Variants in PCDHA11 observed in about 807,000 individuals in gnomAD.
PCDHA11 encodes protocadherin alpha-11.
Under a neutral mutation model 70.3 loss-of-function variants are expected in PCDHA11, and 61 were observed. That is an observed-to-expected ratio of 0.87 (90% CI 0.71 to 1.07). The LOEUF (loss-of-function observed/expected upper bound fraction) is 1.07. PCDHA11 is among the 50% of genes least tolerant of loss of function. The probability of loss-of-function intolerance (pLI) is 0.00; values close to 1 mark genes in which losing one functional copy is unlikely to be tolerated. For synonymous variants in PCDHA11, 633 were observed against 555.1 expected (o/e 1.14, Z -1.97); for missense variants, 1,324 against 1,237.5 (o/e 1.07, Z -1.05).
chr5:140,877,260 G>A (rs1329010026), intron 1 of PCDHA11: 3 of 1,613,766 alleles, frequency 1.9e-6, no homozygotes, highest in African/African-American at 2.7e-5. Context: ...AAGTGCGCGC[G>A]GTGGACGCTG....
At chr5:140,972,334 A>G (rs2153793460) in intron 1 of PCDHA11, among the ~76,000 whole-genome samples, 1 of 151,024 alleles carries the variant, frequency 6.6e-6, no homozygotes, top group Admixed American at 6.6e-5. Flanking sequence ...TTTTTGGAAG[A>G]GATGGGGGTC....
intron 1 of PCDHA11, chr5:140,882,206 G>C: frequency 6.5e-7 from 1 of 1,531,252 alleles, no homozygotes; most frequent in Non-Finnish European, 8.8e-7. Context: ...TGGGCCTTGA[G>C]AGACAGTTTG....
intron 1 of PCDHA11, among the ~76,000 whole-genome samples, chr5:140,888,729 T>G (rs1214867910): frequency 6.6e-6 from 1 of 152,156 alleles, no homozygotes; most frequent in Admixed American, 6.5e-5. Context: ...CAGCCCTTTG[T>G]GAGCTCTAGG....
chr5:140,907,790 A>G (rs2073612747), intron 1 of PCDHA11, among the ~76,000 whole-genome samples: 1 of 152,178 alleles, frequency 6.6e-6, no homozygotes, highest in African/African-American at 2.4e-5. Context: ...CTGGGGAAAG[A>G]GGCTAAGTGG....
At chr5:140,929,093 A>G in intron 1 of PCDHA11, 1 of 1,614,194 alleles carries the variant, frequency 6.2e-7, no homozygotes, top group Non-Finnish European at 8.5e-7. Flanking sequence ...ATGGTTTCAA[A>G]TCCTTGCATG....
intron 1 of PCDHA11, among the ~76,000 whole-genome samples, chr5:140,948,544 G>A (rs2094271073): frequency 1.3e-5 from 2 of 151,392 alleles, no homozygotes; most frequent in Admixed American, 1.3e-4. Flanking sequence ...TTCATGCTCT[G>A]TCAATTTTGT....
chr5:140,943,640 A>G (rs1288085106), intron 1 of PCDHA11, among the ~76,000 whole-genome samples: 1 of 152,224 alleles, frequency 6.6e-6, no homozygotes, highest in African/African-American at 2.4e-5. Context: ...TGGATTATGG[A>G]TAAAACCATC....
At chr5:140,891,698 T>C (rs2063212804) in intron 1 of PCDHA11, among the ~76,000 whole-genome samples, 1 of 152,258 alleles carries the variant, frequency 6.6e-6, no homozygotes, top group Non-Finnish European at 1.5e-5. Context: ...TGCTGTTGTC[T>C]GAATTTGTAC....
intron 1 of PCDHA11, among the ~76,000 whole-genome samples, chr5:140,885,298 G>C (rs1328478663): frequency 6.6e-6 from 1 of 152,040 alleles, no homozygotes; most frequent in East Asian, 1.9e-4. Flanking sequence ...AGAGAGACCT[G>C]GTAGGCTTTT....
At chr5:140,907,179 G>A (rs1257591299) in intron 1 of PCDHA11, among the ~76,000 whole-genome samples, 2 of 152,160 alleles carry the variant, frequency 1.3e-5, no homozygotes, top group Non-Finnish European at 2.9e-5. Flanking sequence ...CTGATTCAGA[G>A]CATACACAAC....
intron 1 of PCDHA11, among the ~76,000 whole-genome samples, chr5:140,972,686 AT>A (rs2096549556): frequency 8.3e-6 from 1 of 120,944 alleles, no homozygotes; most frequent in African/African-American, 3.2e-5. Context: ...TTTTTTTGAG[AT>A]GGAGTCTCAC....
At position 140,869,386 on chromosome 5, in the gene PCDHA11, C is replaced by T; in HGVS notation, c.283C>T (p.Leu95=). Reference sequence around the variant, plus strand: ...GAATTCTCGGATCGACCGCGAGGAGCTGTGCGGGCAGAGCGCGGAGTGCAG... The same window carrying T: ...GAATTCTCGGATCGACCGCGAGGAGTTGTGCGGGCAGAGCGCGGAGTGCAG... ...FVNSRIDREE[L]CGQSAECSIH... is the part of the protein sequence containing the mutation. The change falls in exon 1 of 4, where the codon CTG becomes TTG. Residue 95 remains leucine, a synonymous_variant. Transcript: ENST00000398640. 1 of 1,614,176 alleles carries T rather than the reference C, an allele frequency of 6.2e-7. No homozygotes were observed. Among genetic ancestry groups the T allele is most frequent in the Non-Finnish European group, 8.5e-7 (1 of 1,180,048 alleles).
intron 1 of PCDHA11, chr5:140,876,926 A>C (rs782589579): frequency 6.2e-7 from 1 of 1,613,842 alleles, no homozygotes; most frequent in East Asian, 2.2e-5. Context: ...GCGGACGCGC[A>C]GAAGAACGCG....
At chr5:140,984,227 T>C (rs571404372) in intron 3 of PCDHA11, among the ~76,000 whole-genome samples, 1 of 152,336 alleles carries the variant, frequency 6.6e-6, no homozygotes, top group Admixed American at 6.5e-5. Context: ...CTTGCTCTTA[T>C]GGAGGCATTG....
chr5:140,965,942 C>G (rs2095950444), intron 1 of PCDHA11, among the ~76,000 whole-genome samples: 2 of 152,330 alleles, frequency 1.3e-5, no homozygotes, highest in Admixed American at 1.3e-4. Flanking sequence ...AAGAGGGCAG[C>G]ATTTGCCATC....
At chr5:140,898,306 G>T (rs192633483) in intron 1 of PCDHA11, among the ~76,000 whole-genome samples, 3 of 152,228 alleles carry the variant, frequency 2.0e-5, no homozygotes, top group African/African-American at 4.8e-5. Flanking sequence ...TTTCTTCTAG[G>T]GTTTTTATGG....
chr5:140,887,781 T>C (rs2061576427), intron 1 of PCDHA11, among the ~76,000 whole-genome samples: 2 of 152,338 alleles, frequency 1.3e-5, no homozygotes, highest in African/African-American at 4.8e-5. Flanking sequence ...ACACAGGTCA[T>C]TGAAGCGTTC....
chr5:140,978,140 T>C (rs1379052059), intron 1 of PCDHA11, among the ~76,000 whole-genome samples: 2 of 152,222 alleles, frequency 1.3e-5, no homozygotes, highest in Non-Finnish European at 2.9e-5. Flanking sequence ...ATTTTCCTCT[T>C]TGTTCTCCCC....
intron 1 of PCDHA11, among the ~76,000 whole-genome samples, chr5:140,936,295 C>T (rs1482125698): frequency 1.3e-5 from 2 of 152,182 alleles, no homozygotes; most frequent in African/African-American, 4.8e-5. Context: ...TATAACATTG[C>T]TATCCAATAG....
Sources: allele counts gnomAD v4.1 joint callset (sites outside exome capture counted in the v4.1 genomes callset), GRCh38; gene constraint gnomAD v4.1.1; transcripts MANE v1.5; gene names NCBI Gene and HGNC (gene_info 2026-07-23, HGNC 2026-07-21).